GRM3: variants seen among roughly 807,000 people sequenced by gnomAD.
GRM3 encodes the protein glutamate metabotropic receptor 3.
GRM3 carries 26 observed loss-of-function variants against 70.5 expected under a neutral mutation model. The ratio of observed to expected loss-of-function variants is 0.37; its 90% CI spans 0.27 to 0.51. The LOEUF is 0.51. GRM3 is among the 20% of genes least tolerant of loss of function. GRM3 has a pLI of 0.93. For synonymous variants in GRM3, 443 were observed against 434.9 expected (o/e 1.02, Z -0.23); for missense variants, 859 against 1,123.8 (o/e 0.76, Z 3.37).
At chr7:86,792,829 T>C (rs1048773870) in intron 3 of GRM3, among the ~76,000 whole-genome samples, 1 of 152,130 alleles carries the variant, frequency 6.6e-6, no homozygotes, top group Non-Finnish European at 1.5e-5. Flanking sequence ...CTATGTATCT[T>C]ACACCCAGAA....
intron 2 of GRM3, among the ~76,000 whole-genome samples, chr7:86,783,700 C>G (rs1797141719): frequency 6.6e-6 from 1 of 152,110 alleles, no homozygotes; most frequent in Non-Finnish European, 1.5e-5. Context: ...TACTTTTAAG[C>G]ATTTTAACCC....
In GRM3 at chr7:86,759,917, CTGTT is replaced by C. The variant is rs559966336; in HGVS notation, c.-140-5083_-140-5080del. ...AAAAATGCCAATATAGCTACAGCGT[CTGTT>C]TGTTTACCCAGCTGAAAATGGCAGT... is the stretch of plus-strand genomic sequence containing the variant. On this transcript the variant is annotated intron_variant, in intron 1 of 5. Coordinates refer to ENST00000361669, the MANE Select transcript of GRM3 (RefSeq NM_000840.3). Among the ~76,000 whole-genome samples the C allele has an allele frequency of 5.1e-3, 777 of 152,274 alleles. 5 individuals carry two copies. Among genetic ancestry groups the C allele is most frequent in the African/African-American group, 0.018 (736 of 41,568 alleles).
At chr7:86,668,729 G>A (rs1341324577) in intron 1 of GRM3, among the ~76,000 whole-genome samples, 1 of 152,114 alleles carries the variant, frequency 6.6e-6, no homozygotes, top group Non-Finnish European at 1.5e-5. Context: ...CTGTCATTGA[G>A]GAAGAGGCTC....
chr7:86,779,058 A>G (rs1462398459), intron 2 of GRM3, among the ~76,000 whole-genome samples: 1 of 152,184 alleles, frequency 6.6e-6, no homozygotes, highest in African/African-American at 2.4e-5. Context: ...GCCTTGTTAG[A>G]AAATATCATG....
chr7:86,746,341 T>TTTTATATATATA (rs1388333232), intron 1 of GRM3, among the ~76,000 whole-genome samples: 1,397 of 87,230 alleles, frequency 0.016, 60 homozygotes, highest in African/African-American at 0.05. Context: ...CAGTCATGTA[T>TTTTATATATATA]TATATATATA....
intron 1 of GRM3, among the ~76,000 whole-genome samples, chr7:86,738,564 G>A (rs1414254382): frequency 6.6e-6 from 1 of 152,072 alleles, no homozygotes; most frequent in Admixed American, 6.5e-5. Flanking sequence ...TACAAATGAG[G>A]AAACTGACAC....
rs1797236742 is a variant in GRM3 at position 86,786,226 on chromosome 7, G to T, written c.469-35G>T. ...TTCATGTCCAGTCATCTACCTCGGGGTTTCTAACAAAGGTCCTTCTTCTCC... is the reference window on the plus strand; with the variant it reads ...TTCATGTCCAGTCATCTACCTCGGGTTTTCTAACAAAGGTCCTTCTTCTCC... On this transcript the variant is annotated intron_variant, in intron 2 of 5. Transcript: ENST00000361669. The surrounding 1 kb of genome is among the most constrained non-coding windows in gnomAD (Gnocchi z 6.0). The T allele has an allele frequency of 6.3e-7, 1 of 1,576,838 alleles. No individual in the cohort carries two copies. The highest frequency in any genetic ancestry group is 1.2e-5 in the South Asian group (1 of 84,816).
At position 86,850,451 on chromosome 7, in the gene GRM3, A is replaced by G; in HGVS notation, c.2473A>G (p.Ile825Val). 1 of 1,612,450 alleles carries G rather than the reference A, an allele frequency of 6.2e-7. No individual in the cohort carries two copies. Among genetic ancestry groups the G allele is most frequent in the Non-Finnish European group, 8.5e-7 (1 of 1,178,672 alleles). The part of the protein sequence containing the change: ...LGCLFAPKVH[I>V]ILFQPQKNVV... ...CTGTTTGTTTGCACCCAAGGTTCAC[A>G]TCATCCTGTTTCAACCCCAGAAGAA... is the stretch of plus-strand genomic sequence containing the variant. The change falls in exon 5 of 6, where the codon ATC (isoleucine) becomes GTC (valine). Residue 825 changes from isoleucine to valine, a missense_variant. Ile to Val is a conservative substitution (Grantham distance 29). Coordinates refer to ENST00000361669, the MANE Select transcript of GRM3 (RefSeq NM_000840.3).
Position 86,786,684 on chromosome 7 carries a change from G to A in GRM3, c.892G>A (p.Val298Met), listed in dbSNP as rs1340761173. ...CCGCGCCAATGCCTCCTTCACCTGGGTGGCCAGCGACGGCTGGGGCGCGCA... is the reference window on the plus strand; with the variant it reads ...CCGCGCCAATGCCTCCTTCACCTGGATGGCCAGCGACGGCTGGGGCGCGCA... ...ASRANASFTWVASDGWGAQES... is the reference protein window; with the variant it reads ...ASRANASFTWMASDGWGAQES... The change falls in exon 3 of 6, where the codon GTG becomes ATG. Residue 298 changes from valine (V) to methionine (M), a missense_variant. By Grantham distance (21) the Val-to-Met change is conservative (BLOSUM62 1). Transcript: ENST00000361669. The surrounding 1 kb of genome is among the most constrained non-coding windows in gnomAD (Gnocchi z 6.0). The A allele has an allele frequency of 6.2e-7, 1 of 1,612,088 alleles. No individual in the cohort carries two copies. Among genetic ancestry groups the A allele is most frequent in the African/African-American group, 1.3e-5 (1 of 74,950 alleles).
chr7:86,682,806 G>C (rs1794473203), intron 1 of GRM3, among the ~76,000 whole-genome samples: 1 of 152,084 alleles, frequency 6.6e-6, no homozygotes, highest in Non-Finnish European at 1.5e-5. Flanking sequence ...TAGAAAGCAA[G>C]ATTTCTTTTT....
intron 1 of GRM3, among the ~76,000 whole-genome samples, chr7:86,676,919 T>C (rs1794321235): frequency 6.6e-6 from 1 of 152,042 alleles, no homozygotes; most frequent in Non-Finnish European, 1.5e-5. Flanking sequence ...AGTCATGCTT[T>C]GATTTTTGGT....
rs754801493 is a variant in GRM3 at position 86,847,955 on chromosome 7, C to T, written c.2392-2415C>T. On this transcript the variant is annotated intron_variant, in intron 4 of 5. Transcript: ENST00000361669. ...CTATGATAAAAATGCAATTTTAGTGCTCCTTCCATTATCTCTTCAGTATTT... is the reference window on the plus strand; with the variant it reads ...CTATGATAAAAATGCAATTTTAGTGTTCCTTCCATTATCTCTTCAGTATTT... 4.9e-4 allele frequency among the ~76,000 whole-genome samples: 75 copies of T among 152,136 alleles called. 1 individual carries two copies. Among genetic ancestry groups the T allele is most frequent in the Admixed American group, 1.7e-3 (26 of 15,262 alleles).
Position 86,840,139 on chromosome 7 carries a change from T to C in GRM3, c.2391+234T>C, listed in dbSNP as rs140428145. On this transcript the variant is annotated intron_variant, in intron 4 of 5. Transcript: ENST00000361669. ...CAGAGGGGAAGAGAAATATAAATGA[T>C]ACGGTCATTTACCCAATTTATAATC... Among the ~76,000 whole-genome samples, 368 of 152,346 alleles carry C rather than the reference T, an allele frequency of 2.4e-3. 4 individuals carry two copies. The East Asian group carries it at 0.029, about 12-fold the overall frequency.
intron 1 of GRM3, among the ~76,000 whole-genome samples, chr7:86,656,338 T>C (rs1484600089): frequency 7.6e-6 from 1 of 130,808 alleles, no homozygotes; most frequent in East Asian, 2.6e-4. Flanking sequence ...CGATCTCAGC[T>C]CAGTGCTGCA....
intron 2 of GRM3, among the ~76,000 whole-genome samples, chr7:86,768,601 A>G (rs1189204922): frequency 6.6e-6 from 1 of 152,216 alleles, no homozygotes; most frequent in Admixed American, 6.6e-5. Context: ...TGAAAGTTGC[A>G]TTGGAGAAAG....
intron 1 of GRM3, among the ~76,000 whole-genome samples, chr7:86,762,393 A>G (rs933106279): frequency 6.6e-6 from 1 of 152,092 alleles, no homozygotes; most frequent in Non-Finnish European, 1.5e-5. Context: ...AAAACAGCCC[A>G]TCATTCGCTG....
At chr7:86,775,699 C>T (rs1796868423) in intron 2 of GRM3, among the ~76,000 whole-genome samples, 1 of 152,090 alleles carries the variant, frequency 6.6e-6, no homozygotes, top group Non-Finnish European at 1.5e-5. Context: ...CCCTGTGAGG[C>T]CCTGGGTATT....
intron 1 of GRM3, among the ~76,000 whole-genome samples, chr7:86,645,992 TGGGGG>T (rs1562811216): frequency 1.3e-3 from 8 of 6,104 alleles, no homozygotes; most frequent in African/African-American, 3.9e-3. Context: ...GGCGGGGGGG[TGGGGG>T]TGGGGGGGTG....
intron 1 of GRM3, among the ~76,000 whole-genome samples, chr7:86,696,790 C>T (rs937974310): frequency 6.6e-5 from 10 of 152,122 alleles, no homozygotes; most frequent in African/African-American, 2.4e-4. Flanking sequence ...CACATTGTCT[C>T]TTGTGCTTTC....
Sources: allele counts gnomAD v4.1 joint callset (sites outside exome capture counted in the v4.1 genomes callset), GRCh38; gene constraint gnomAD v4.1.1; non-coding constraint Gnocchi (gnomAD v3.1); transcripts MANE v1.5; gene names NCBI Gene and HGNC (gene_info 2026-07-23, HGNC 2026-07-21).